Variants in PLEKHA1 observed in about 807,000 individuals in gnomAD.
PLEKHA1 encodes pleckstrin homology domain-containing family A member 1.
In PLEKHA1, 34 loss-of-function variants were observed where a neutral mutation model predicts 52.0. The observed-to-expected ratio is 0.65, with a 90% CI of 0.50 to 0.87. The LOEUF (loss-of-function observed/expected upper bound fraction) is 0.87. Ranked by LOEUF, PLEKHA1 falls within the 40% of genes least tolerant of loss-of-function variation. The pLI is 0.00. For missense variants in PLEKHA1, 497 were observed against 504.2 expected, an observed-to-expected ratio of 0.99 and a Z score of 0.14; for synonymous variants, 163 against 170.7, an observed-to-expected ratio of 0.95 and a Z score of 0.35.
chr10:122,382,883 C>T (rs996740338), intron 1 of PLEKHA1, among the ~76,000 whole-genome samples: 1 of 152,128 alleles, frequency 6.6e-6, no homozygotes, highest in Non-Finnish European at 1.5e-5. Context: ...AAATGTTTCA[C>T]ATTACAGTAC....
At chr10:122,422,825 C>T (rs1331697071) in intron 8 of PLEKHA1, 2 of 152,158 alleles carry the variant, frequency 1.3e-5, no homozygotes, top group Admixed American at 6.5e-5. Flanking sequence ...TGCAAGAGCA[C>T]ATCCATGTTT....
At chr10:122,437,014 G>A (rs1367493929), downstream of PLEKHA1, 7 of 20,234 alleles carry the variant, frequency 3.5e-4, no homozygotes, top group Non-Finnish European at 7.1e-4. Context: ...TTTTTTTTTT[G>A]CCTGTCTTTG....
chr10:122,390,839 T>C (rs12164740), intron 1 of PLEKHA1, among the ~76,000 whole-genome samples: 2 of 150,406 alleles, frequency 1.3e-5, no homozygotes, highest in Non-Finnish European at 3.0e-5. Context: ...GATCATATGG[T>C]AATTCTATGT....
chr10:122,415,875 A>G lies in PLEKHA1; in HGVS notation c.485A>G (p.Glu162Gly). Residue 162 changes from glutamate to glycine, a missense_variant, in exon 7 of 12, where the codon GAA becomes GGA. Transcript: ENST00000368990. ...TCATTTTAGAAAGAAGAAGTAAATG[A>G]ATGTGGTGAAAGTATTGACAGAAAT... is the stretch of plus-strand genomic sequence containing the variant. ...ITPTQKEEVN[E>G]CGESIDRNNL... is the part of the protein sequence containing the mutation. The G allele has an allele frequency of 6.2e-7, 1 of 1,611,172 alleles. No individual in the cohort carries two copies. Among genetic ancestry groups the G allele is most frequent in the Non-Finnish European group, 8.5e-7 (1 of 1,178,290 alleles).
chr10:122,398,026 G>C, intron 3 of PLEKHA1, 52 bp downstream of exon 3: 1 of 1,442,984 alleles, frequency 6.9e-7, no homozygotes, highest in Non-Finnish European at 9.7e-7. Flanking sequence ...CCCTGTGAAT[G>C]AGAGTATGAA....
downstream of PLEKHA1, chr10:122,434,667 A>G (rs1276767639): frequency 6.7e-6 from 1 of 149,824 alleles, no homozygotes; most frequent in African/African-American, 2.5e-5. Flanking sequence ...TGCTGCACCC[A>G]TTAACTCGTC....
At chr10:122,432,654 C>T (rs1001648486), downstream of PLEKHA1, 1 of 152,098 alleles carries the variant, frequency 6.6e-6, no homozygotes, top group African/African-American at 2.4e-5. Flanking sequence ...TGTGGATCAT[C>T]TGGGCTGCTC....
chr10:122,402,250 G>T (rs908204972), intron 4 of PLEKHA1, among the ~76,000 whole-genome samples: 1 of 152,138 alleles, frequency 6.6e-6, no homozygotes, highest in African/African-American at 2.4e-5. Flanking sequence ...CAAAAACTAA[G>T]ATTAGTCGTT....
In PLEKHA1 at chr10:122,417,428, C is replaced by T. The variant is rs183462950; in HGVS notation, c.613-472C>T. 6.6e-4 allele frequency among the ~76,000 whole-genome samples: 101 copies of T among 151,996 alleles called. 1 individual carries two copies. Among genetic ancestry groups the T allele is most frequent in the African/African-American group, 2.2e-3 (92 of 41,464 alleles). On this transcript the variant is annotated intron_variant, in intron 7 of 11. Coordinates refer to ENST00000368990, the MANE Select transcript of PLEKHA1 (RefSeq NM_001001974.4). ...TTTTGGGAGGCCAAGGTGGGCGGAT[C>T]ACCTGAGGTCAGGAGTTTGAGACCA...
downstream of PLEKHA1, chr10:122,435,507 AGATAT>A (rs1227045906): frequency 6.6e-6 from 1 of 152,240 alleles, no homozygotes; most frequent in African/African-American, 2.4e-5. Context: ...AAATTAGATA[AGATAT>A]GTGATTGCCT....
chr10:122,417,839 G>A, intron 7 of PLEKHA1, 61 bp from the exon 8 acceptor site: 2 of 1,292,342 alleles, frequency 1.5e-6, no homozygotes. Flanking sequence ...GTAATTAAGT[G>A]GTGACTAACA....
At position 122,394,069 on chromosome 10, in the gene PLEKHA1, C is replaced by CT. The variant is rs796831792; in HGVS notation, c.141+754dup. On this transcript the variant is annotated intron_variant, in intron 2 of 11. Coordinates refer to ENST00000368990, the MANE Select transcript of PLEKHA1 (RefSeq NM_001001974.4). ...AGTTTTAAACTTTCAACTTTCTCTA[C>CT]TTTTTTTTTTTTTTTTTTTTTTTTT... 9.1e-3 allele frequency among the ~76,000 whole-genome samples: 881 copies of CT among 97,198 alleles called. 89 individuals are homozygous for CT. Among genetic ancestry groups the CT allele is most frequent in the Non-Finnish European group, 0.01 (473 of 45,286 alleles). 63.8% of individuals were successfully genotyped at this position (97,198 alleles called of 152,430 possible). A position where few individuals can be genotyped will look rare whatever the true frequency, so the allele number is the denominator to read the frequency against.
Position 122,406,578 on chromosome 10 carries a change from A to G in PLEKHA1, c.247A>G (p.Met83Val). The G allele has an allele frequency of 1.2e-6, 2 of 1,608,918 alleles. No individual in the cohort carries two copies. Among genetic ancestry groups the G allele is most frequent in the Non-Finnish European group, 1.7e-6 (2 of 1,175,484 alleles). The stretch of plus-strand genomic sequence containing the variant: ...GTGTTATTTTTTTCTGTCAACAGTT[A>G]TGAATGCAGGAATGAGGAAGTACTT... Reference protein sequence around the residue: ...LRPKAEFCFVMNAGMRKYFLQ... With the variant: ...LRPKAEFCFVVNAGMRKYFLQ... Residue 83 changes from methionine to valine, a missense_variant and splice_region_variant, in exon 5 of 12, where the codon ATG (methionine) becomes GTG (valine). By Grantham distance (21) the Met-to-Val change is conservative. Coordinates refer to ENST00000368990, the MANE Select transcript of PLEKHA1 (RefSeq NM_001001974.4).
At chr10:122,405,774 G>A (rs780709236) in intron 4 of PLEKHA1, among the ~76,000 whole-genome samples, 12 of 152,096 alleles carry the variant, frequency 7.9e-5, no homozygotes, top group East Asian at 1.9e-4. Flanking sequence ...CAGTGGAGTA[G>A]AAGCCACCAT....
chr10:122,424,050 G>A (rs2097301277), intron 8 of PLEKHA1, 149 bp from the exon 9 acceptor site: 3 of 1,027,020 alleles, frequency 2.9e-6, no homozygotes, highest in Non-Finnish European at 4.1e-6. Flanking sequence ...GATGCTGGAT[G>A]GTTTAAGAAG....
intron 3 of PLEKHA1, among the ~76,000 whole-genome samples, chr10:122,398,941 T>C (rs531475600): frequency 1.3e-5 from 2 of 152,358 alleles, no homozygotes; most frequent in African/African-American, 2.4e-5. Flanking sequence ...GATCATACTA[T>C]GTAAATTTAC....
At chr10:122,410,434 T>C (rs911011515) in intron 5 of PLEKHA1, among the ~76,000 whole-genome samples, 1 of 152,188 alleles carries the variant, frequency 6.6e-6, no homozygotes, top group African/African-American at 2.4e-5. Flanking sequence ...TGATTTTCAT[T>C]GGACAGTTGG....
intron 8 of PLEKHA1, chr10:122,422,526 C>T (rs1444300735): frequency 6.6e-6 from 1 of 152,184 alleles, no homozygotes; most frequent in East Asian, 1.9e-4. Flanking sequence ...AGTGTATAAA[C>T]TGAATCTCAG....
intron 8 of PLEKHA1, chr10:122,423,130 AAAAG>A (rs998050349): frequency 1.3e-5 from 2 of 149,446 alleles, no homozygotes; most frequent in African/African-American, 2.5e-5. Context: ...TTTTTTTTAA[AAAAG>A]CACTCCCAGC....
Sources: gnomAD v4.1 joint callset for allele counts (sites outside exome capture counted in the v4.1 genomes callset) on GRCh38, gnomAD v4.1.1 for gene constraint, MANE v1.5 for transcripts, NCBI Gene and HGNC (gene_info 2026-07-23, HGNC 2026-07-21) for gene names.